OSBPL10: variants seen among roughly 807,000 people sequenced by gnomAD.
OSBPL10 encodes the protein oxysterol-binding protein-related protein 10.
OSBPL10 carries 49 observed loss-of-function variants against 81.7 expected under a neutral mutation model. The observed-to-expected ratio is 0.60, with a 90% CI of 0.48 to 0.76. The LOEUF is 0.76. Ranked by LOEUF, OSBPL10 falls within the 30% of genes least tolerant of loss-of-function variation. The pLI, the probability that OSBPL10 is intolerant of heterozygous loss-of-function variation, is 0.00. For missense variants in OSBPL10, 923 were observed against 987.8 expected (o/e 0.93, Z 0.88); for synonymous variants, 419 against 383.6 (o/e 1.09, Z -1.08).
chr3:31,687,243 G>GC (rs2125556880), intron 7 of OSBPL10, among the ~76,000 whole-genome samples: 1 of 152,168 alleles, frequency 6.6e-6, no homozygotes, highest in Admixed American at 6.5e-5. Context: ...AAAGATAATT[G>GC]CGTAACCTTG....
chr3:31,895,620 A>G (rs1054517599), intron 1 of OSBPL10, among the ~76,000 whole-genome samples: 1 of 152,130 alleles, frequency 6.6e-6, no homozygotes, highest in Non-Finnish European at 1.5e-5. Context: ...ACAGCTGAAC[A>G]CAATTCCTAA....
chr3:31,706,111 T>C (rs1415180739), intron 6 of OSBPL10, among the ~76,000 whole-genome samples: 1 of 152,148 alleles, frequency 6.6e-6, no homozygotes, highest in South Asian at 2.1e-4. Context: ...TCAGGGCATA[T>C]GGTGCTACAA....
At chr3:32,069,805 A>G (rs1487028949) in intron 1 of OSBPL10, among the ~76,000 whole-genome samples, 1 of 152,230 alleles carries the variant, frequency 6.6e-6, no homozygotes, top group Non-Finnish European at 1.5e-5. Flanking sequence ...TCCAGCATAT[A>G]AGAACTTCAG....
intron 7 of OSBPL10, among the ~76,000 whole-genome samples, chr3:31,694,671 T>C (rs898921481): frequency 3.3e-5 from 5 of 152,186 alleles, no homozygotes; most frequent in Admixed American, 2.0e-4. Context: ...CTTTCTTTGA[T>C]TAGTAACAAC....
intron 5 of OSBPL10, among the ~76,000 whole-genome samples, chr3:31,739,486 C>T (rs1325570248): frequency 6.6e-6 from 1 of 152,146 alleles, no homozygotes; most frequent in East Asian, 1.9e-4. Context: ...AGGGCCTTCA[C>T]ATTAATAAAG....
At chr3:31,886,938 C>CAA (rs5847726) in intron 1 of OSBPL10, among the ~76,000 whole-genome samples, 1 of 142,220 alleles carries the variant, frequency 7.0e-6, no homozygotes, top group Non-Finnish European at 1.5e-5. Context: ...GACTCCATCT[C>CAA]AAAAAAAAAA....
At chr3:32,007,576 C>T (rs1416761236) in intron 2 of OSBPL10, among the ~76,000 whole-genome samples, 1 of 152,138 alleles carries the variant, frequency 6.6e-6, no homozygotes, top group African/African-American at 2.4e-5. Context: ...CAATCTCAAC[C>T]TCTGTCTTCT....
chr3:31,862,553 TCTAA>T (rs952369262), intron 3 of OSBPL10, among the ~76,000 whole-genome samples: 2 of 152,054 alleles, frequency 1.3e-5, no homozygotes, highest in East Asian at 1.9e-4. Flanking sequence ...CTGATAAAGG[TCTAA>T]CTATCAAGAC....
At chr3:31,854,077 T>C (rs139314557) in intron 3 of OSBPL10, among the ~76,000 whole-genome samples, 1 of 152,122 alleles carries the variant, frequency 6.6e-6, no homozygotes, top group Non-Finnish European at 1.5e-5. Context: ...TCTATCTGTA[T>C]AAAATATTGG....
At chr3:32,021,147 A>G (rs998600839) in intron 2 of OSBPL10, among the ~76,000 whole-genome samples, 1 of 152,130 alleles carries the variant, frequency 6.6e-6, no homozygotes, top group African/African-American at 2.4e-5. Context: ...CCTGTGTCCA[A>G]GTATAATCAC....
At chr3:32,043,668 C>A (rs928132440) in intron 2 of OSBPL10, among the ~76,000 whole-genome samples, 1 of 152,096 alleles carries the variant, frequency 6.6e-6, no homozygotes, top group South Asian at 2.1e-4. Context: ...AAGGCCAGCA[C>A]TACGTGTAGC....
chr3:31,811,820 A>G (rs1037535284), intron 4 of OSBPL10, among the ~76,000 whole-genome samples: 2 of 152,178 alleles, frequency 1.3e-5, no homozygotes, highest in Non-Finnish European at 2.9e-5. Context: ...GCTGGGAGAG[A>G]GTAGTCAGAG....
chr3:31,953,507 A>C (rs1697927222), intron 1 of OSBPL10, among the ~76,000 whole-genome samples: 1 of 152,008 alleles, frequency 6.6e-6, no homozygotes, highest in Admixed American at 6.6e-5. Flanking sequence ...TCCTGGGCTC[A>C]AGCAATCCTC....
intron 3 of OSBPL10, among the ~76,000 whole-genome samples, chr3:31,863,213 G>C (rs1701100282): frequency 6.6e-6 from 1 of 152,214 alleles, no homozygotes; most frequent in East Asian, 1.9e-4. Flanking sequence ...ATCCAAAAGA[G>C]GCAAATCCAT....
intron 2 of OSBPL10, among the ~76,000 whole-genome samples, chr3:32,045,553 T>G (rs554180895): frequency 2.0e-5 from 3 of 152,322 alleles, no homozygotes; most frequent in African/African-American, 7.2e-5. Context: ...AAGCTTGGCT[T>G]TCCACCTAAA....
intron 1 of OSBPL10, among the ~76,000 whole-genome samples, chr3:31,912,783 C>T (rs79723395): frequency 0.06 from 9,057 of 152,218 alleles, 367 homozygotes; most frequent in Non-Finnish European, 0.077. Flanking sequence ...TGAGCCTTTT[C>T]CTGCCACAGC....
At chr3:31,848,475 G>C (rs1437961240) in intron 3 of OSBPL10, among the ~76,000 whole-genome samples, 2 of 151,700 alleles carry the variant, frequency 1.3e-5, no homozygotes, top group Non-Finnish European at 2.9e-5. Context: ...GACTTTTTTC[G>C]TCAGTTCTTT....
intron 8 of OSBPL10, among the ~76,000 whole-genome samples, chr3:31,679,916 T>G (rs1396052005): frequency 6.6e-6 from 1 of 152,182 alleles, no homozygotes; most frequent in Non-Finnish European, 1.5e-5. Context: ...GGGGAGTCCT[T>G]GGCAATCTTC....
At position 31,680,586 on chromosome 3, in the gene OSBPL10, G is replaced by A. The variant is rs1334012252; in HGVS notation, c.1726+3048C>T. Among the ~76,000 whole-genome samples, 3 of 152,218 alleles carry A rather than the reference G, an allele frequency of 2.0e-5. No homozygotes were observed. The East Asian group carries it at 5.8e-4, about 29-fold the overall frequency. On this transcript the variant is annotated intron_variant, in intron 8 of 11. Transcript: ENST00000396556. ...GCTGGACTCATCCGGGGTCTGCTGAGCATTCTGAAGCAACAGAACCCTTTC... is the reference window on the plus strand; with the variant it reads ...GCTGGACTCATCCGGGGTCTGCTGAACATTCTGAAGCAACAGAACCCTTTC...
Sources: gnomAD v4.1 joint callset for allele counts (sites outside exome capture counted in the v4.1 genomes callset) on GRCh38, gnomAD v4.1.1 for gene constraint, MANE v1.5 for transcripts, NCBI Gene and HGNC (gene_info 2026-07-23, HGNC 2026-07-21) for gene names.